Variants in ERC2 observed in about 807,000 individuals in gnomAD.
The protein encoded by ERC2 is ERC protein 2.
In ERC2, 42 loss-of-function variants were observed where a neutral mutation model predicts 114.8. That is an observed-to-expected ratio of 0.37 (90% confidence interval 0.29 to 0.47). The LOEUF is 0.47. Ranked by LOEUF, ERC2 falls within the 20% of genes least tolerant of loss-of-function variation. The pLI, the probability that ERC2 is intolerant of heterozygous loss-of-function variation, is 0.99. For missense variants in ERC2, 939 were observed against 1,150.7 expected, an observed-to-expected ratio of 0.82 and a Z score of 2.66; for synonymous variants, 454 against 425.5, an observed-to-expected ratio of 1.07 and a Z score of -0.82.
At chr3:55,511,671 T>A (rs1452770180) in intron 17 of ERC2, among the ~76,000 whole-genome samples, 1 of 152,212 alleles carries the variant, frequency 6.6e-6, no homozygotes, top group Non-Finnish European at 1.5e-5. Flanking sequence ...TTTAAAATTA[T>A]TTTTTAACTT....
At chr3:55,584,652 G>A (rs2057500648) in intron 17 of ERC2, among the ~76,000 whole-genome samples, 1 of 152,146 alleles carries the variant, frequency 6.6e-6, no homozygotes, top group African/African-American at 2.4e-5. Context: ...AACCCTCATG[G>A]GTGGAAGCAG....
At chr3:56,159,334 GA>G (rs903607599) in intron 4 of ERC2, among the ~76,000 whole-genome samples, 6 of 151,914 alleles carry the variant, frequency 3.9e-5, no homozygotes, top group African/African-American at 2.4e-5. Flanking sequence ...GAAAGAAGAG[GA>G]AAAAAATCCT....
At chr3:56,122,060 C>T (rs2079609392) in intron 6 of ERC2, among the ~76,000 whole-genome samples, 1 of 152,162 alleles carries the variant, frequency 6.6e-6, no homozygotes, top group Non-Finnish European at 1.5e-5. Context: ...CACATAGTAA[C>T]ATAGTCTGGT....
intron 14 of ERC2, among the ~76,000 whole-genome samples, chr3:55,799,519 A>G (rs1381468884): frequency 1.5e-5 from 2 of 132,716 alleles, no homozygotes; most frequent in Admixed American, 1.6e-4. Flanking sequence ...ACCTCCAATC[A>G]TGGGACACAT....
At chr3:55,639,789 C>A (rs751337456) in intron 17 of ERC2, among the ~76,000 whole-genome samples, 1 of 152,136 alleles carries the variant, frequency 6.6e-6, no homozygotes, top group Admixed American at 6.5e-5. Context: ...TGTGGGCACA[C>A]GCACATGTGC....
At chr3:56,218,455 A>T (rs138679688) in intron 3 of ERC2, among the ~76,000 whole-genome samples, 13 of 151,312 alleles carry the variant, frequency 8.6e-5, no homozygotes, top group South Asian at 2.1e-4. Flanking sequence ...ATCTCACACC[A>T]GTTAGAATGG....
intron 1 of ERC2, among the ~76,000 whole-genome samples, chr3:56,450,038 T>A (rs2062760101): frequency 6.6e-6 from 1 of 152,224 alleles, no homozygotes; most frequent in Non-Finnish European, 1.5e-5. Flanking sequence ...ATATTATGCA[T>A]CCATAGTTAT....
intron 7 of ERC2, among the ~76,000 whole-genome samples, chr3:56,042,179 G>A (rs1228128623): frequency 6.6e-6 from 1 of 151,928 alleles, no homozygotes; most frequent in Non-Finnish European, 1.5e-5. Flanking sequence ...GATGAAGGAG[G>A]GAAAAGAACT....
At chr3:56,367,335 A>G (rs1171146162) in intron 2 of ERC2, among the ~76,000 whole-genome samples, 1 of 151,866 alleles carries the variant, frequency 6.6e-6, no homozygotes, top group Non-Finnish European at 1.5e-5. Context: ...ACAAAAGATT[A>G]TTTGAACAAT....
chr3:56,032,913 A>AAGAAAGAAAGAAAGAGAGAGAGAGAGAC (rs2074478350), intron 7 of ERC2, among the ~76,000 whole-genome samples: 6 of 68,678 alleles, frequency 8.7e-5, no homozygotes, highest in Admixed American at 4.0e-4. Flanking sequence ...GAAAGAAAGA[A>AAGAAAGAAAGAAAGAGAGAGAGAGAGAC]AGAAAGAAAG....
Position 56,377,392 on chromosome 3 carries a change from C to A in ERC2, c.657+56959G>T, listed in dbSNP as rs948106261. ...TGCCTGAGGATGCCATAAGACAGAT[C>A]TTTTGGGTCCTACAGAGTTTACTTT... On this transcript the variant is annotated intron_variant, in intron 2 of 17. Transcript: ENST00000288221. 4.6e-5 allele frequency among the ~76,000 whole-genome samples: 7 copies of A among 152,160 alleles called. 1 individual carries two copies. Among genetic ancestry groups the A allele is most frequent in the Admixed American group, 3.3e-4 (5 of 15,272 alleles).
intron 6 of ERC2, among the ~76,000 whole-genome samples, chr3:56,131,960 A>C (rs563642875): frequency 1.2e-4 from 18 of 152,376 alleles, no homozygotes; most frequent in African/African-American, 4.3e-4. Flanking sequence ...AAATATGTAC[A>C]ATTATTACAC....
chr3:56,020,788 G>A (rs929553134), intron 7 of ERC2, among the ~76,000 whole-genome samples: 1 of 152,292 alleles, frequency 6.6e-6, no homozygotes, highest in East Asian at 1.9e-4. Context: ...CATCAGCCTT[G>A]GGGCAGTAGT....
chr3:55,863,731 A>C (rs934977176), intron 14 of ERC2, among the ~76,000 whole-genome samples: 18 of 152,106 alleles, frequency 1.2e-4, no homozygotes, highest in Non-Finnish European at 2.5e-4. Context: ...AAACAGGTGA[A>C]ATTAATATTA....
intron 3 of ERC2, chr3:56,185,350 C>T (rs1176255198): frequency 6.6e-6 from 1 of 152,206 alleles, no homozygotes; most frequent in Non-Finnish European, 1.5e-5. Flanking sequence ...CCTATTTGAA[C>T]ATTATATTCA....
At chr3:55,744,333 G>A (rs979854368) in intron 14 of ERC2, among the ~76,000 whole-genome samples, 2 of 152,174 alleles carry the variant, frequency 1.3e-5, no homozygotes, top group Non-Finnish European at 1.5e-5. Flanking sequence ...GAACCCAGCA[G>A]GGGGAGGTTG....
At chr3:56,069,431 T>C (rs2076625688) in intron 7 of ERC2, among the ~76,000 whole-genome samples, 1 of 152,214 alleles carries the variant, frequency 6.6e-6, no homozygotes, top group Non-Finnish European at 1.5e-5. Flanking sequence ...TTCACAGTTG[T>C]GTAAGTCAGA....
chr3:55,657,547 C>T (rs1415629885), intron 17 of ERC2: 1 of 152,178 alleles, frequency 6.6e-6, no homozygotes, highest in Non-Finnish European at 1.5e-5. Context: ...TCTCTGCTTC[C>T]TGGGCTCAGG....
intron 7 of ERC2, among the ~76,000 whole-genome samples, chr3:56,039,863 T>C (rs2149653977): frequency 6.6e-6 from 1 of 152,322 alleles, no homozygotes; most frequent in Admixed American, 6.5e-5. Context: ...CAATTTTTCT[T>C]TGCAAAATTG....
Sources: allele counts gnomAD v4.1 joint callset (sites outside exome capture counted in the v4.1 genomes callset), GRCh38; gene constraint gnomAD v4.1.1; transcripts MANE v1.5; gene names NCBI Gene and HGNC (gene_info 2026-07-23, HGNC 2026-07-21).